The following TMEM108 variants were observed in gnomAD, a reference collection of about 807,000 sequenced individuals.
TMEM108 encodes transmembrane protein 108.
In TMEM108, 12 loss-of-function variants were observed where a neutral mutation model predicts 35.1. The ratio of observed to expected loss-of-function variants is 0.34; its 90% CI spans 0.22 to 0.55. The LOEUF (loss-of-function observed/expected upper bound fraction) is 0.55. Among genes scored for constraint, TMEM108 ranks in the 20% least tolerant of loss-of-function variants. The probability of loss-of-function intolerance (pLI) is 0.89; values close to 1 mark genes in which losing one functional copy is unlikely to be tolerated. For missense variants in TMEM108, 680 were observed against 753.3 expected (o/e 0.90, Z 1.14); for synonymous variants, 287 against 308.6 (o/e 0.93, Z 0.73).
intron 3 of TMEM108, among the ~76,000 whole-genome samples, chr3:133,299,306 C>T (rs1417031267): frequency 6.6e-6 from 1 of 152,018 alleles, no homozygotes; most frequent in African/African-American, 2.4e-5. Flanking sequence ...ATAGATTAAC[C>T]AACAGTTGAG....
At chr3:133,186,782 T>TA (rs1169130269) in intron 2 of TMEM108, among the ~76,000 whole-genome samples, 1 of 152,212 alleles carries the variant, frequency 6.6e-6, no homozygotes, top group Non-Finnish European at 1.5e-5. Context: ...GCTTTGAGGA[T>TA]ATGATATTTT....
At chr3:133,131,927 A>T (rs561941593) in intron 2 of TMEM108, among the ~76,000 whole-genome samples, 49 of 152,314 alleles carry the variant, frequency 3.2e-4, no homozygotes, top group African/African-American at 1.1e-3. Context: ...AGATAGATAG[A>T]TAATATATAG....
intron 2 of TMEM108, among the ~76,000 whole-genome samples, chr3:133,162,683 T>C (rs1344581381): frequency 6.6e-6 from 1 of 152,234 alleles, no homozygotes; most frequent in Non-Finnish European, 1.5e-5. Context: ...TATCCAGGTC[T>C]GCCAGAGCAT....
At chr3:133,096,327 T>C (rs1465171194) in intron 2 of TMEM108, among the ~76,000 whole-genome samples, 6 of 152,194 alleles carry the variant, frequency 3.9e-5, no homozygotes, top group East Asian at 1.9e-4. Flanking sequence ...TGCAGCTAAT[T>C]TTTAAAAAAT....
At chr3:133,264,304 C>CA (rs5852741) in intron 3 of TMEM108, among the ~76,000 whole-genome samples, 47,744 of 148,464 alleles carry the variant, frequency 0.32, 8,246 homozygotes, top group East Asian at 0.48. Context: ...GACTGAGTCT[C>CA]AAAAAAAAAA....
intron 2 of TMEM108, among the ~76,000 whole-genome samples, chr3:133,126,243 G>A (rs1944414471): frequency 1.3e-5 from 2 of 152,036 alleles, no homozygotes; most frequent in African/African-American, 2.4e-5. Flanking sequence ...AAAGTGGGTG[G>A]ACCATGAGGT....
At chr3:133,130,627 A>G (rs1363636228) in intron 2 of TMEM108, among the ~76,000 whole-genome samples, 1 of 152,254 alleles carries the variant, frequency 6.6e-6, no homozygotes, top group Admixed American at 6.5e-5. Flanking sequence ...ACTATGTTCT[A>G]TTAAACTGAA....
At chr3:133,250,861 C>T (rs930330384) in intron 3 of TMEM108, among the ~76,000 whole-genome samples, 2 of 152,096 alleles carry the variant, frequency 1.3e-5, no homozygotes, top group African/African-American at 4.8e-5. Context: ...ATCCTTTCAA[C>T]TCTAAATTTA....
At chr3:133,052,913 G>C (rs1435519195) in intron 2 of TMEM108, among the ~76,000 whole-genome samples, 1 of 152,128 alleles carries the variant, frequency 6.6e-6, no homozygotes, top group African/African-American at 2.4e-5. Flanking sequence ...GAGAATCACT[G>C]ACTGCTAGAA....
chr3:133,117,241 T>C (rs1265241748), intron 2 of TMEM108, among the ~76,000 whole-genome samples: 1 of 152,206 alleles, frequency 6.6e-6, no homozygotes. Context: ...CTTGATCTAA[T>C]GTACCAGGAA....
intron 2 of TMEM108, among the ~76,000 whole-genome samples, chr3:133,061,434 C>T (rs1299729058): frequency 6.6e-6 from 1 of 152,020 alleles, no homozygotes; most frequent in African/African-American, 2.4e-5. Context: ...AAGATGGTCT[C>T]CATCTCCTGA....
At chr3:133,344,333 G>A (rs922309983) in intron 3 of TMEM108, among the ~76,000 whole-genome samples, 2 of 151,702 alleles carry the variant, frequency 1.3e-5, no homozygotes, top group Non-Finnish European at 3.0e-5. Flanking sequence ...CGATTGCACA[G>A]AAAATAACAT....
intron 2 of TMEM108, among the ~76,000 whole-genome samples, chr3:133,159,313 A>C (rs1944926846): frequency 6.6e-6 from 1 of 152,230 alleles, no homozygotes; most frequent in African/African-American, 2.4e-5. Flanking sequence ...GTAAGTCTCC[A>C]TGGCCCATTC....
chr3:133,039,908 A>G (rs186968370), intron 1 of TMEM108, among the ~76,000 whole-genome samples: 1 of 152,314 alleles, frequency 6.6e-6, no homozygotes, highest in East Asian at 1.9e-4. Context: ...TGCCTGTGAA[A>G]TGCCTACACT....
At chr3:133,135,167 TTTTC>T (rs1265020487) in intron 2 of TMEM108, among the ~76,000 whole-genome samples, 3 of 152,004 alleles carry the variant, frequency 2.0e-5, no homozygotes, top group African/African-American at 7.3e-5. Flanking sequence ...GTTTTTTTTT[TTTTC>T]TTTCTTTCTG....
In TMEM108 at chr3:133,077,442, T is replaced by C. The variant is rs533112407; in HGVS notation, c.-47+31422T>C. On this transcript the variant is annotated intron_variant, in intron 2 of 5. Coordinates refer to ENST00000321871, the MANE Select transcript of TMEM108 (RefSeq NM_023943.4). ...AGATAGGGCGTCCAGGCTACCTGGGTGTCTGCAGAGCACCCTGGAACACCC... is the reference window on the plus strand; with the variant it reads ...AGATAGGGCGTCCAGGCTACCTGGGCGTCTGCAGAGCACCCTGGAACACCC... Among the ~76,000 whole-genome samples, 567 of 152,202 alleles carry C rather than the reference T, an allele frequency of 3.7e-3. 1 individual carries two copies. The highest frequency in any genetic ancestry group is 5.6e-3 in the Non-Finnish European group (382 of 68,002).
intron 2 of TMEM108, among the ~76,000 whole-genome samples, chr3:133,165,063 C>A (rs1945017815): frequency 1.3e-5 from 2 of 152,142 alleles, no homozygotes; most frequent in Admixed American, 1.3e-4. Flanking sequence ...ATATGAAATG[C>A]CATTTGATTC....
At chr3:133,056,639 C>T (rs1340085491) in intron 2 of TMEM108, among the ~76,000 whole-genome samples, 2 of 152,130 alleles carry the variant, frequency 1.3e-5, no homozygotes, top group East Asian at 3.9e-4. Flanking sequence ...CATTCTCTAC[C>T]TGCCACTTTC....
At chr3:133,297,201 C>G (rs531176429) in intron 3 of TMEM108, among the ~76,000 whole-genome samples, 1 of 152,174 alleles carries the variant, frequency 6.6e-6, no homozygotes, top group African/African-American at 2.4e-5. Flanking sequence ...CAGATGTGTG[C>G]GTGGCTGAGG....
Sources: gnomAD v4.1 joint callset for allele counts (sites outside exome capture counted in the v4.1 genomes callset) on GRCh38, gnomAD v4.1.1 for gene constraint, MANE v1.5 for transcripts, NCBI Gene and HGNC (gene_info 2026-07-23, HGNC 2026-07-21) for gene names.